Variants in PEMT observed in about 807,000 individuals in gnomAD.
PEMT encodes the protein phospholipid methyltransferase.
Under a neutral mutation model 27.4 loss-of-function variants are expected in PEMT, and 23 were observed. The ratio of observed to expected loss-of-function variants is 0.84; its 90% CI spans 0.60 to 1.19. The LOEUF (loss-of-function observed/expected upper bound fraction) is 1.19, where lower values mean the gene tolerates loss of function less well. Among genes scored for constraint, PEMT ranks in the 50% most tolerant of loss-of-function variants. PEMT has a pLI of 0.00. For synonymous variants in PEMT, 137 were observed against 139.1 expected (o/e 0.98, Z 0.11); for missense variants, 307 against 310.1 (o/e 0.99, Z 0.07).
intron 3 of PEMT, chr17:17,517,865 G>T: frequency 1.9e-6 from 1 of 536,622 alleles, no homozygotes. Context: ...TCCAGGCCTT[G>T]GTCGTAAGGC....
intron 5 of PEMT, chr17:17,507,205 G>A: frequency 1.3e-6 from 2 of 1,555,300 alleles, no homozygotes; most frequent in Non-Finnish European, 1.7e-6. Flanking sequence ...CTGGGCTGCT[G>A]CCAGGGAGGA....
chr17:17,587,984 T>C (rs1912406410), intron 1 of PEMT, among the ~76,000 whole-genome samples: 1 of 152,168 alleles, frequency 6.6e-6, no homozygotes. Flanking sequence ...CAAAGGATAA[T>C]ATGTTAGGAC....
At chr17:17,505,997 G>A (rs1304738793) in intron 6 of PEMT, 149 bp from the exon 7 acceptor site, 1 of 1,340,444 alleles carries the variant, frequency 7.5e-7, no homozygotes, top group Non-Finnish European at 1.0e-6. Flanking sequence ...ACACTGACTT[G>A]GAGCCTTCAG....
At chr17:17,578,859 T>G (rs74762830) in intron 1 of PEMT, 1 of 152,062 alleles carries the variant, frequency 6.6e-6, no homozygotes, top group Non-Finnish European at 1.5e-5. Flanking sequence ...CAAACCACCA[T>G]GGCAAATGTA....
chr17:17,530,543 T>C (rs2142564620), intron 2 of PEMT, among the ~76,000 whole-genome samples: 1 of 152,034 alleles, frequency 6.6e-6, no homozygotes, highest in East Asian at 1.9e-4. Context: ...AAAAACTCAA[T>C]CAATAAACCT....
At chr17:17,565,086 G>A (rs1471229645) in intron 2 of PEMT, among the ~76,000 whole-genome samples, 1 of 152,174 alleles carries the variant, frequency 6.6e-6, no homozygotes, top group Non-Finnish European at 1.5e-5. Flanking sequence ...ATCTCTGCAG[G>A]CTCCACCTCC....
chr17:17,510,245 G>A (rs1244127473), intron 4 of PEMT, among the ~76,000 whole-genome samples: 2 of 152,178 alleles, frequency 1.3e-5, no homozygotes, highest in East Asian at 1.9e-4. Context: ...GGCGTCCCCC[G>A]GCAGAGCTGC....
rs531608213 is a variant in PEMT at position 17,577,235 on chromosome 17, G to A, written c.97-208C>T. Among the ~76,000 whole-genome samples the A allele has an allele frequency of 3.9e-5, 6 of 152,286 alleles. No individual in the cohort carries two copies. In the East Asian group the frequency reaches 1.2e-3, roughly 29 times the overall value. ...TGTGTCATGTCCTGGGAGGGCGGCC[G>A]CAGAAATGTGCCTGGATGCCAGATG... On this transcript the variant is annotated intron_variant, in intron 1 of 6. Transcript: ENST00000255389.
chr17:17,557,979 A>G lies in PEMT; in HGVS notation c.204+18941T>C, dbSNP rs527345664. Among the ~76,000 whole-genome samples, 8 of 152,312 alleles carry G rather than the reference A, an allele frequency of 5.3e-5. No individual in the cohort carries two copies. In the East Asian group the frequency reaches 1.5e-3, roughly 29 times the overall value. Reference sequence around the variant, plus strand: ...GGCTGGGCTAAACACCAGAACCCCAAGAGCTTGGCACCTGCAGTAGCTTCC... The same window carrying G: ...GGCTGGGCTAAACACCAGAACCCCAGGAGCTTGGCACCTGCAGTAGCTTCC... On this transcript the variant is annotated intron_variant, in intron 2 of 6. Transcript: ENST00000255389.
At chr17:17,545,424 T>C (rs2142619877) in intron 2 of PEMT, among the ~76,000 whole-genome samples, 1 of 152,272 alleles carries the variant, frequency 6.6e-6, no homozygotes, top group Non-Finnish European at 1.5e-5. Flanking sequence ...ACATTACAGG[T>C]GCTGTCAGGC....
chr17:17,515,279 C>T (rs1388748243), intron 3 of PEMT, among the ~76,000 whole-genome samples: 1 of 152,190 alleles, frequency 6.6e-6, no homozygotes, highest in Admixed American at 6.5e-5. Context: ...AAGCCCAGCT[C>T]ATTCAGGGCC....
chr17:17,555,618 TG>T (rs1909994802), intron 2 of PEMT, among the ~76,000 whole-genome samples: 1 of 152,110 alleles, frequency 6.6e-6, no homozygotes, highest in Non-Finnish European at 1.5e-5. Flanking sequence ...TGCTGGTGCT[TG>T]GGTTCCACTC....
intron 5 of PEMT, chr17:17,507,079 GT>G (rs1220599047): frequency 4.7e-6 from 6 of 1,271,548 alleles, no homozygotes; most frequent in Admixed American, 2.0e-5. Flanking sequence ...CAGCTCGTCA[GT>G]GACGGCACCA....
chr17:17,514,551 G>C (rs1906664904), intron 3 of PEMT, among the ~76,000 whole-genome samples: 1 of 152,226 alleles, frequency 6.6e-6, no homozygotes, highest in African/African-American at 2.4e-5. Context: ...CCCACTGCCG[G>C]TCATGCTGCC....
rs1567679904 is a variant in PEMT at position 17,523,565 on chromosome 17, C to T, written c.205-1170G>A. ...GAAGGAGGTAGCTCCCGGGCCTTCC[C>T]CTCAACCAGCTGTTGGCACTGCAGC... On this transcript the variant is annotated intron_variant, in intron 2 of 6. Coordinates refer to ENST00000255389, the MANE Select transcript of PEMT (RefSeq NM_148172.3). The surrounding 1 kb of genome is among the most constrained non-coding windows in gnomAD (Gnocchi z 4.8). Among the ~76,000 whole-genome samples, 1 of 152,152 alleles carries T rather than the reference C, an allele frequency of 6.6e-6. No homozygotes were observed. The highest frequency in any genetic ancestry group is 2.4e-5 in the African/African-American group (1 of 41,430).
intron 2 of PEMT, among the ~76,000 whole-genome samples, chr17:17,535,558 C>T (rs1908401974): frequency 2.5e-5 from 3 of 118,086 alleles, no homozygotes; most frequent in Non-Finnish European, 5.4e-5. Context: ...GACTGAGACT[C>T]CGTCTCAAGA....
chr17:17,570,083 G>A (rs1007731547), intron 2 of PEMT, among the ~76,000 whole-genome samples: 5 of 152,224 alleles, frequency 3.3e-5, no homozygotes, highest in African/African-American at 9.7e-5. Flanking sequence ...GGCAATCCAC[G>A]CTCACAAAGC....
chr17:17,508,538 G>C (rs183235680), intron 5 of PEMT, among the ~76,000 whole-genome samples: 2 of 152,362 alleles, frequency 1.3e-5, no homozygotes, highest in Admixed American at 6.5e-5. Flanking sequence ...AGGTCTTGTG[G>C]AGAACCTGTA....
chr17:17,557,474 C>T (rs1910139485), intron 2 of PEMT, among the ~76,000 whole-genome samples: 1 of 152,194 alleles, frequency 6.6e-6, no homozygotes, highest in African/African-American at 2.4e-5. Context: ...GGTTGAGAAG[C>T]CCCCGCTGCC....
Sources: allele counts gnomAD v4.1 joint callset (sites outside exome capture counted in the v4.1 genomes callset), GRCh38; gene constraint gnomAD v4.1.1; non-coding constraint Gnocchi (gnomAD v3.1); transcripts MANE v1.5; gene names NCBI Gene and HGNC (gene_info 2026-07-23, HGNC 2026-07-21).